Variants in FHDC1 observed in about 807,000 individuals in gnomAD.
FHDC1 encodes FH2 domain-containing protein 1.
A neutral mutation model predicts 52.6 loss-of-function variants in FHDC1; 25 were observed. The observed-to-expected ratio is 0.48, with a 90% CI of 0.35 to 0.66. The LOEUF is 0.66. FHDC1 is among the 30% of genes least tolerant of loss of function. The probability of loss-of-function intolerance (pLI) is 0.01; values close to 1 mark genes in which losing one functional copy is unlikely to be tolerated. For missense variants in FHDC1, 1,459 were observed against 1,452.8 expected (o/e 1.00, Z -0.07); for synonymous variants, 616 against 581.5 (o/e 1.06, Z -0.85).
the FHDC1 span, among the ~76,000 whole-genome samples, chr4:152,923,894 C>G: frequency 6.6e-6 from 1 of 152,072 alleles, no homozygotes; most frequent in Admixed American, 6.5e-5. Flanking sequence ...GACCTAAAAC[C>G]ATAAAAACTC....
At position 152,944,946 on chromosome 4, in the gene FHDC1, C is replaced by G. The variant is rs571194535; in HGVS notation, c.498+1391C>G. ...TTATTGTACAGTAGGTCATTTCTCA[C>G]TATTGTCTGCCAGCTCTCTTTACTG... On this transcript the variant is annotated intron_variant, in intron 2 of 11. Transcript: ENST00000511601. Among the ~76,000 whole-genome samples, 6 of 152,306 alleles carry G rather than the reference C, an allele frequency of 3.9e-5. No homozygotes were observed. The South Asian group carries it at 1.2e-3, about 32-fold the overall frequency.
At position 152,940,196 on chromosome 4, in the gene FHDC1, T is replaced by G. The variant is rs181945150; in HGVS notation, c.-130-2732T>G. Among the ~76,000 whole-genome samples, 9 of 152,358 alleles carry G rather than the reference T, an allele frequency of 5.9e-5. No homozygotes were observed. In the East Asian group the frequency reaches 1.2e-3, roughly 20 times the overall value. On this transcript the variant is annotated intron_variant, in intron 1 of 11. Coordinates refer to ENST00000511601, the MANE Select transcript of FHDC1 (RefSeq NM_001371116.1). ...ATCCTGGCCCAGGGGGAAACCCTAT[T>G]GGAGTAAAGGTAGTAAAAGCATTAG...
At chr4:152,938,772 G>T (rs1249007942) in intron 1 of FHDC1, among the ~76,000 whole-genome samples, 1 of 152,172 alleles carries the variant, frequency 6.6e-6, no homozygotes, top group East Asian at 1.9e-4. Flanking sequence ...TTTGATTATT[G>T]TTGACCAAAG....
intron 8 of FHDC1, 86 bp from the exon 9 acceptor site, chr4:152,964,819 G>T: frequency 9.1e-7 from 1 of 1,099,470 alleles, no homozygotes; most frequent in Admixed American, 2.2e-5. Flanking sequence ...CAGGAGCAGT[G>T]ATTTTAAGAT....
chr4:152,974,876 C>G lies in FHDC1; in HGVS notation c.1585C>G (p.Pro529Ala). 1 of 1,607,952 alleles carries G rather than the reference C, an allele frequency of 6.2e-7. No homozygotes were observed. The highest frequency in any genetic ancestry group is 8.5e-7 in the Non-Finnish European group (1 of 1,177,822). The change falls in exon 12 of 12, where the codon CCC becomes GCC. Residue 529 changes from proline to alanine, a missense_variant. Physicochemically the swap from Pro to Ala is conservative, Grantham distance 27. Coordinates refer to ENST00000511601, the MANE Select transcript of FHDC1 (RefSeq NM_001371116.1). ...CCCCAGGCCCATCAGCCCCTCCAGC[C>G]CCTCCTACCGGCCCCCGAACACCCG... is the stretch of plus-strand genomic sequence containing the variant. ...LHPRPISPSS[P>A]SYRPPNTRRS...
chr4:152,952,820 T>TAA (rs1380307920), intron 2 of FHDC1, among the ~76,000 whole-genome samples: 2 of 152,266 alleles, frequency 1.3e-5, no homozygotes, highest in African/African-American at 4.8e-5. Flanking sequence ...ACCCATTTGT[T>TAA]AAGTCAAAAA....
rs58783965 is a variant in FHDC1, at chr4:152,963,769, G to GTTTTTTTTTTTTTTTTTTTTTTTTTT, written c.1029+648_1029+673dup. Among the ~76,000 whole-genome samples the GTTTTTTTTTTTTTTTTTTTTTTTTTT allele has an allele frequency of 5.8e-5, 3 of 51,794 alleles. 1 individual carries two copies. The highest frequency in any genetic ancestry group is 1.3e-4 in the African/African-American group (2 of 15,438). The allele number at this position is 51,794 out of a possible 152,430, so 34.0% of individuals were successfully genotyped here. A position where few individuals can be genotyped will look rare whatever the true frequency, so the allele number is the denominator to read the frequency against. On this transcript the variant is annotated intron_variant, in intron 8 of 11. Coordinates refer to ENST00000511601, the MANE Select transcript of FHDC1 (RefSeq NM_001371116.1). ...GGAGTCTGATCCTATCCATTGCTTT[G>GTTTTTTTTTTTTTTTTTTTTTTTTTT]TTTTTTTTTTTTTTTTTTTTTTTTT...
intron 1 of FHDC1, among the ~76,000 whole-genome samples, chr4:152,942,248 A>G (rs1739594096): frequency 6.6e-6 from 1 of 152,218 alleles, no homozygotes; most frequent in South Asian, 2.1e-4. Context: ...AAATGAGAAA[A>G]CTGAAGTCTG....
the FHDC1 span, among the ~76,000 whole-genome samples, chr4:152,912,577 C>CT: frequency 6.6e-6 from 1 of 152,272 alleles, no homozygotes; most frequent in African/African-American, 2.4e-5. Flanking sequence ...ATTTACACCT[C>CT]TAAGAGCATA....
At chr4:152,925,405 G>A in the FHDC1 span, among the ~76,000 whole-genome samples, 1 of 151,934 alleles carries the variant, frequency 6.6e-6, no homozygotes, top group African/African-American at 2.4e-5. Context: ...CTAGGCAGTT[G>A]TCAGCTAGAT....
intron 2 of FHDC1, among the ~76,000 whole-genome samples, chr4:152,945,450 A>AT (rs947657470): frequency 1.3e-5 from 2 of 152,086 alleles, no homozygotes; most frequent in African/African-American, 4.8e-5. Flanking sequence ...CATCTTAACC[A>AT]TTTTTAAAAA....
chr4:152,978,125 C>G lies in FHDC1; in HGVS notation c.*1402C>G, dbSNP rs1228853780. 6.6e-6 allele frequency: 1 copy of G among 152,178 alleles called. No individual in the cohort carries two copies. The highest frequency in any genetic ancestry group is 1.5e-5 in the Non-Finnish European group (1 of 68,042). The allele number at this position is 152,178 out of a possible 1,614,324, so 9.4% of individuals were successfully genotyped here. Reference sequence around the variant, plus strand: ...GGATTTCTCTGGAATCTAGAAGTGCCATATTTTAGTGGAAAGGCATCAGGG... The same window carrying G: ...GGATTTCTCTGGAATCTAGAAGTGCGATATTTTAGTGGAAAGGCATCAGGG... On this transcript the variant is annotated 3_prime_UTR_variant, in exon 12 of 12. Coordinates refer to ENST00000511601, the MANE Select transcript of FHDC1 (RefSeq NM_001371116.1).
intron 2 of FHDC1, among the ~76,000 whole-genome samples, chr4:152,949,093 A>G (rs1456442226): frequency 3.2e-5 from 3 of 94,154 alleles, no homozygotes; most frequent in Non-Finnish European, 2.1e-5. Flanking sequence ...TGTCTCAGTA[A>G]TAATAATAAT....
chr4:152,927,134 A>G, the FHDC1 span, among the ~76,000 whole-genome samples: 1 of 152,246 alleles, frequency 6.6e-6, no homozygotes, highest in African/African-American at 2.4e-5. Context: ...TCCTTGTTGG[A>G]AGCAAGTGAA....
chr4:152,913,180 AAAGTT>A, the FHDC1 span, among the ~76,000 whole-genome samples: 4 of 152,238 alleles, frequency 2.6e-5, no homozygotes, highest in Admixed American at 6.5e-5. Flanking sequence ...AGTTTCTTCT[AAAGTT>A]AAGTTTAATG....
the FHDC1 span, among the ~76,000 whole-genome samples, chr4:152,919,489 G>C: frequency 6.6e-6 from 1 of 152,196 alleles, no homozygotes; most frequent in Non-Finnish European, 1.5e-5. Flanking sequence ...CAGTGAAGAT[G>C]GTCCTATCCA....
chr4:152,943,233 C>CT lies in FHDC1; in HGVS notation c.177dup (p.Pro60SerfsTer34). 6.2e-7 allele frequency: 1 copy of CT among 1,605,096 alleles called. No homozygotes were observed. The highest frequency in any genetic ancestry group is 8.5e-7 in the Non-Finnish European group (1 of 1,174,838). ...AGGGAAGAGTGTCCTTCCTCCCCTC[C>CT]TCCACCCCCACCACCTCCACTTCCT... On this transcript the variant is annotated frameshift_variant, in exon 2 of 12. Coordinates refer to ENST00000511601, the MANE Select transcript of FHDC1 (RefSeq NM_001371116.1). LOFTEE classifies it high-confidence loss of function.
chr4:152,946,241 CA>C (rs1739729424), intron 2 of FHDC1, among the ~76,000 whole-genome samples: 2 of 152,210 alleles, frequency 1.3e-5, no homozygotes, highest in African/African-American at 4.8e-5. Flanking sequence ...TGAGAGACAA[CA>C]TACTAGAAAG....
chr4:152,963,074 T>G lies in FHDC1; in HGVS notation c.973T>G (p.Leu325Val), dbSNP rs373735764. The change falls in exon 8 of 12, where the codon TTG becomes GTG. Residue 325 changes from leucine (L) to valine (V), a missense_variant. Transcript: ENST00000511601. ...ATTTAAACTGTCTTCTTTGCTCAAA[T>G]TGGCAGACACAAAAGCAAACAAACC... ...VGFKLSSLLK[L>V]ADTKANKPGM... 1 of 1,613,898 alleles carries G rather than the reference T, an allele frequency of 6.2e-7. No homozygotes were observed. Among genetic ancestry groups the G allele is most frequent in the South Asian group, 1.1e-5 (1 of 91,074 alleles).
Sources: allele counts gnomAD v4.1 joint callset (sites outside exome capture counted in the v4.1 genomes callset), GRCh38; gene constraint gnomAD v4.1.1; transcripts MANE v1.5; gene names NCBI Gene and HGNC (gene_info 2026-07-23, HGNC 2026-07-21).